SDK2: variants seen among roughly 807,000 people sequenced by gnomAD.
SDK2 encodes sidekick cell adhesion molecule 2, also known as protein sidekick-2.
A neutral mutation model predicts 253.9 loss-of-function variants in SDK2; 105 were observed. That is an observed-to-expected ratio of 0.41 (90% CI 0.35 to 0.49). SDK2 has a LOEUF of 0.49. Among genes scored for constraint, SDK2 ranks in the 20% least tolerant of loss-of-function variants. The pLI is 0.06. For synonymous variants in SDK2, 1,249 were observed against 1,234.9 expected, an observed-to-expected ratio of 1.01 and a Z score of -0.24; for missense variants, 2,608 against 3,003.0, an observed-to-expected ratio of 0.87 and a Z score of 3.07.
intron 15 of SDK2, among the ~76,000 whole-genome samples, chr17:73,421,425 G>C (rs558159040): frequency 4.6e-5 from 7 of 152,210 alleles, no homozygotes; most frequent in Non-Finnish European, 8.8e-5. Flanking sequence ...TATCACGGTT[G>C]TTCTGACCTC....
rs1035713589 is a variant in SDK2 at position 73,639,415 on chromosome 17, GAC to G, written c.64+4608_64+4609del. The stretch of plus-strand genomic sequence containing the variant: ...GGCTCTGCCTCCTGCCCAGCACATG[GAC>G]AGCAGGGGTGGGACACCTAGGGGAG... On this transcript the variant is annotated intron_variant, in intron 1 of 44. Coordinates refer to ENST00000392650, the MANE Select transcript of SDK2 (RefSeq NM_001144952.2). This position sits in a 1 kb window ranked among gnomAD's most constrained non-coding sequence, Gnocchi z 4.3. 6.6e-6 allele frequency among the ~76,000 whole-genome samples: 1 copy of G among 152,192 alleles called. No individual in the cohort carries two copies. Among genetic ancestry groups the G allele is most frequent in the African/African-American group, 2.4e-5 (1 of 41,458 alleles).
In SDK2 at chr17:73,612,346, C is replaced by A. The variant is rs1415471261; in HGVS notation, c.64+31679G>T. ...ATCGGGTCACTGTGACCCAGCTGCACCTGGGCTGCAGGCTGGCCCCGCACA... is the reference window on the plus strand; with the variant it reads ...ATCGGGTCACTGTGACCCAGCTGCAACTGGGCTGCAGGCTGGCCCCGCACA... On this transcript the variant is annotated intron_variant, in intron 1 of 44. Transcript: ENST00000392650. The surrounding 1 kb of genome is among the most constrained non-coding windows in gnomAD (Gnocchi z 4.4). 6.6e-6 allele frequency among the ~76,000 whole-genome samples: 1 copy of A among 151,694 alleles called. No individual in the cohort carries two copies. The highest frequency in any genetic ancestry group is 2.4e-5 in the African/African-American group (1 of 41,272).
intron 1 of SDK2, among the ~76,000 whole-genome samples, chr17:73,514,780 G>A (rs1278567349): frequency 6.6e-6 from 1 of 152,162 alleles, no homozygotes; most frequent in Non-Finnish European, 1.5e-5. Context: ...AAACAGGGTG[G>A]GAGCTGGGAT....
At chr17:73,422,800 T>C (rs2063243519) in intron 14 of SDK2, among the ~76,000 whole-genome samples, 1 of 152,054 alleles carries the variant, frequency 6.6e-6, no homozygotes, top group Admixed American at 6.6e-5. Flanking sequence ...GGCGGGCAGA[T>C]CACCTGAGGT....
At chr17:73,588,040 A>G (rs1301864961) in intron 1 of SDK2, among the ~76,000 whole-genome samples, 3 of 152,160 alleles carry the variant, frequency 2.0e-5, no homozygotes, top group Non-Finnish European at 4.4e-5. Context: ...AGGGAGTCCC[A>G]GGAACAGCTG....
intron 18 of SDK2, among the ~76,000 whole-genome samples, chr17:73,411,743 A>G (rs1230310857): frequency 6.6e-6 from 1 of 150,910 alleles, no homozygotes; most frequent in Non-Finnish European, 1.5e-5. Context: ...CCTTTAGCTC[A>G]GTTGGAAGGA....
chr17:73,358,555 T>C (rs115999606), intron 39 of SDK2, among the ~76,000 whole-genome samples: 1 of 152,274 alleles, frequency 6.6e-6, no homozygotes, highest in African/African-American at 2.4e-5. Flanking sequence ...GTGCCTCCGT[T>C]TCCCCCTCTA....
chr17:73,519,408 G>A (rs1460862195), intron 1 of SDK2: 1 of 152,222 alleles, frequency 6.6e-6, no homozygotes, highest in Non-Finnish European at 1.5e-5. Context: ...GACAGCAGGT[G>A]TCCTTAGGGG....
chr17:73,443,359 G>A lies in SDK2; in HGVS notation c.614-2436C>T, dbSNP rs1285539366. Among the ~76,000 whole-genome samples, 1 of 152,254 alleles carries A rather than the reference G, an allele frequency of 6.6e-6. No individual in the cohort carries two copies. Among genetic ancestry groups the A allele is most frequent in the Admixed American group, 6.5e-5 (1 of 15,288 alleles). On this transcript the variant is annotated intron_variant, in intron 5 of 44. Coordinates refer to ENST00000392650, the MANE Select transcript of SDK2 (RefSeq NM_001144952.2). This position sits in a 1 kb window ranked among gnomAD's most constrained non-coding sequence, Gnocchi z 4.6. Reference sequence around the variant, plus strand: ...GCCTCATGTAGGTGCCATAACGAGCGATCGGATTGAAAGCTGCTGATATAG... The same window carrying A: ...GCCTCATGTAGGTGCCATAACGAGCAATCGGATTGAAAGCTGCTGATATAG...
At chr17:73,445,353 C>T (rs1252682427) in intron 5 of SDK2, among the ~76,000 whole-genome samples, 2 of 152,142 alleles carry the variant, frequency 1.3e-5, no homozygotes, top group Admixed American at 6.5e-5. Context: ...TTTAAAATTT[C>T]GCATGTGGTT....
intron 18 of SDK2, among the ~76,000 whole-genome samples, chr17:73,413,004 T>C (rs1032874794): frequency 6.6e-6 from 1 of 152,106 alleles, no homozygotes; most frequent in African/African-American, 2.4e-5. Context: ...TAAATTTCTG[T>C]TGTTTAAGCC....
intron 3 of SDK2, among the ~76,000 whole-genome samples, chr17:73,464,548 G>A (rs948581564): frequency 2.0e-5 from 3 of 152,196 alleles, no homozygotes; most frequent in Admixed American, 6.5e-5. Flanking sequence ...TTAGAATGCC[G>A]GGATCTGTCC....
At chr17:73,558,563 T>C (rs1162181258) in intron 1 of SDK2, among the ~76,000 whole-genome samples, 1 of 152,158 alleles carries the variant, frequency 6.6e-6, no homozygotes, top group Admixed American at 6.5e-5. Context: ...TGTATCTCCT[T>C]TTATCATCCA....
chr17:73,595,731 C>T (rs72845797), intron 1 of SDK2, among the ~76,000 whole-genome samples: 11,556 of 152,146 alleles, frequency 0.076, 595 homozygotes, highest in Admixed American at 0.11. Flanking sequence ...TGGAGGGGGG[C>T]CTGGTGGGGG....
chr17:73,537,746 C>G (rs1360487181), intron 1 of SDK2, among the ~76,000 whole-genome samples: 1 of 152,182 alleles, frequency 6.6e-6, no homozygotes, highest in Non-Finnish European at 1.5e-5. Flanking sequence ...ATGTGCCAAT[C>G]TGATGGTGCA....
chr17:73,420,954 G>A (rs950547295), intron 15 of SDK2, among the ~76,000 whole-genome samples: 2 of 152,228 alleles, frequency 1.3e-5, no homozygotes, highest in African/African-American at 4.8e-5. Flanking sequence ...GGGATTACAA[G>A]CGTGAGGATT....
intron 2 of SDK2, among the ~76,000 whole-genome samples, chr17:73,472,718 C>T (rs1459016081): frequency 6.6e-6 from 1 of 152,200 alleles, no homozygotes; most frequent in Non-Finnish European, 1.5e-5. Context: ...GATGCCCACC[C>T]AAATCTCATC....
intron 3 of SDK2, among the ~76,000 whole-genome samples, chr17:73,456,834 C>A (rs1436890681): frequency 6.6e-6 from 1 of 152,206 alleles, no homozygotes; most frequent in Admixed American, 6.5e-5. Flanking sequence ...GGTAGGGAGA[C>A]TAATTCCAAC....
chr17:73,555,787 A>T (rs1599675333), intron 1 of SDK2, among the ~76,000 whole-genome samples: 1 of 152,204 alleles, frequency 6.6e-6, no homozygotes, highest in East Asian at 1.9e-4. Flanking sequence ...TATTCTGCAG[A>T]GGGGATCACT....
Sources: allele counts gnomAD v4.1 joint callset (sites outside exome capture counted in the v4.1 genomes callset), GRCh38; gene constraint gnomAD v4.1.1; non-coding constraint Gnocchi (gnomAD v3.1); transcripts MANE v1.5; gene names NCBI Gene and HGNC (gene_info 2026-07-23, HGNC 2026-07-21).